STX8: variants seen among roughly 807,000 people sequenced by gnomAD.
The protein encoded by STX8 is syntaxin 8, also known as syntaxin-8.
In STX8, 23 loss-of-function variants were observed where a neutral mutation model predicts 37.5. The ratio of observed to expected loss-of-function variants is 0.61; its 90% CI spans 0.44 to 0.87. The LOEUF is 0.87. STX8 is among the 40% of genes least tolerant of loss of function. The pLI is 0.00. For missense variants in STX8, 313 were observed against 284.7 expected (o/e 1.10, Z -0.71); for synonymous variants, 115 against 99.1 (o/e 1.16, Z -0.95).
chr17:9,540,970 C>T (rs968950034), intron 4 of STX8, among the ~76,000 whole-genome samples: 1 of 152,176 alleles, frequency 6.6e-6, no homozygotes, highest in Non-Finnish European at 1.5e-5. Flanking sequence ...CAACAAGCAA[C>T]AGCTTTAGTC....
chr17:9,336,939 T>C (rs1207201129), intron 7 of STX8, among the ~76,000 whole-genome samples: 5 of 152,196 alleles, frequency 3.3e-5, no homozygotes, highest in African/African-American at 1.2e-4. Context: ...TTTGAATGAA[T>C]GCCTATTTCA....
At chr17:9,294,204 A>G (rs927982712) in intron 7 of STX8, among the ~76,000 whole-genome samples, 2 of 152,232 alleles carry the variant, frequency 1.3e-5, no homozygotes, top group Non-Finnish European at 2.9e-5. Context: ...CCCCAGGGTC[A>G]GCAAAGAACT....
intron 6 of STX8, among the ~76,000 whole-genome samples, chr17:9,450,111 C>A (rs1904987738): frequency 6.6e-6 from 1 of 151,964 alleles, no homozygotes; most frequent in African/African-American, 2.4e-5. Context: ...TGGAGTCTCG[C>A]TCTGTCATCC....
intron 7 of STX8, among the ~76,000 whole-genome samples, chr17:9,362,645 C>T (rs758677209): frequency 2.6e-5 from 4 of 151,808 alleles, no homozygotes; most frequent in East Asian, 3.9e-4. Context: ...GGTGAAACCC[C>T]GTCTCTACTA....
chr17:9,444,142 C>CTCT (rs575716614), intron 6 of STX8, among the ~76,000 whole-genome samples: 2 of 150,296 alleles, frequency 1.3e-5, no homozygotes, highest in South Asian at 2.1e-4. Context: ...TTCGCACATT[C>CTCT]TTCTCTCTTT....
chr17:9,445,022 G>A (rs1321704528), intron 6 of STX8, among the ~76,000 whole-genome samples: 2 of 152,182 alleles, frequency 1.3e-5, no homozygotes, highest in Non-Finnish European at 2.9e-5. Context: ...CTGACCACTG[G>A]TGACAGATTG....
chr17:9,496,368 A>C (rs1904407329), intron 5 of STX8, among the ~76,000 whole-genome samples: 1 of 152,112 alleles, frequency 6.6e-6, no homozygotes, highest in African/African-American at 2.4e-5. Context: ...GAGCCACCAC[A>C]CCCAGCCACC....
rs1297459859 is a variant in STX8, at chr17:9,253,467, G to C, written c.644-2822C>G. ...TATTCTGGTGCCTGTGTGGTGATCA[G>C]CTGAAGACTTGGTCCTGGCTGGGTG... On this transcript the variant is annotated intron_variant, in intron 7 of 7. Coordinates refer to ENST00000306357, the MANE Select transcript of STX8 (RefSeq NM_004853.3). Among the ~76,000 whole-genome samples, 5 of 152,244 alleles carry C rather than the reference G, an allele frequency of 3.3e-5. No individual in the cohort carries two copies. In the East Asian group the frequency reaches 9.6e-4, roughly 29 times the overall value.
chr17:9,428,612 G>T (rs565179880), intron 6 of STX8, among the ~76,000 whole-genome samples: 1 of 152,292 alleles, frequency 6.6e-6, no homozygotes, highest in Non-Finnish European at 1.5e-5. Context: ...GACAAGCCCT[G>T]TCTGATAGAA....
intron 6 of STX8, among the ~76,000 whole-genome samples, chr17:9,407,714 G>A (rs180898416): frequency 3.0e-4 from 45 of 152,278 alleles, no homozygotes; most frequent in Non-Finnish European, 6.3e-4. Context: ...CAGGCTATGG[G>A]TGAATTTAAA....
At chr17:9,509,234 G>A (rs1196094124) in intron 4 of STX8, among the ~76,000 whole-genome samples, 1 of 152,158 alleles carries the variant, frequency 6.6e-6, no homozygotes, top group Non-Finnish European at 1.5e-5. Flanking sequence ...GGGCAACAGA[G>A]CAAGACTCCA....
intron 6 of STX8, among the ~76,000 whole-genome samples, chr17:9,429,485 T>C (rs71358249): frequency 0.29 from 40,968 of 142,710 alleles, 6,538 homozygotes; most frequent in African/African-American, 0.42. Flanking sequence ...AGGCGGATCA[T>C]GAGGTCAGGA....
In STX8 at chr17:9,298,233, TAA is replaced by T. The variant is rs548644010; in HGVS notation, c.644-47590_644-47589del. Among the ~76,000 whole-genome samples, 435 of 152,238 alleles carry T rather than the reference TAA, an allele frequency of 2.9e-3. 4 individuals are homozygous for T. Among genetic ancestry groups the T allele is most frequent in the Non-Finnish European group, 2.0e-3 (138 of 68,014 alleles). ...CTCTTGAGCAGAAGAAGATGGACAG[TAA>T]AAGTGTCAGTGACTGAAGGAAGCAT... On this transcript the variant is annotated intron_variant, in intron 7 of 7. Transcript: ENST00000306357.
At chr17:9,574,127 T>A (rs2151920706) in intron 1 of STX8, among the ~76,000 whole-genome samples, 1 of 151,808 alleles carries the variant, frequency 6.6e-6, no homozygotes, top group Admixed American at 6.6e-5. Flanking sequence ...AAAAATTAGC[T>A]GGGCGTGGCT....
intron 2 of STX8, among the ~76,000 whole-genome samples, chr17:9,560,654 A>G (rs1907195436): frequency 6.6e-6 from 1 of 152,114 alleles, no homozygotes; most frequent in Non-Finnish European, 1.5e-5. Context: ...AGTTTTCCCC[A>G]ATTTAAATCT....
At chr17:9,330,674 GC>G (rs1278406880) in intron 7 of STX8, among the ~76,000 whole-genome samples, 8 of 152,194 alleles carry the variant, frequency 5.3e-5, no homozygotes, top group Admixed American at 5.2e-4. Context: ...ACAAGGGATG[GC>G]CCCTGGCAGA....
At chr17:9,524,805 C>T (rs2142531317) in intron 4 of STX8, among the ~76,000 whole-genome samples, 1 of 138,454 alleles carries the variant, frequency 7.2e-6, no homozygotes, top group Middle Eastern at 3.8e-3. Flanking sequence ...GAGATGGGGT[C>T]TCACTCTGTT....
chr17:9,368,297 G>T (rs55908641), intron 7 of STX8, among the ~76,000 whole-genome samples: 6 of 152,122 alleles, frequency 3.9e-5, no homozygotes, highest in Admixed American at 2.0e-4. Context: ...GAGGTCAGGA[G>T]ATCGAGACCA....
intron 7 of STX8, among the ~76,000 whole-genome samples, chr17:9,296,890 A>C (rs1277936370): frequency 6.6e-6 from 1 of 152,206 alleles, no homozygotes; most frequent in Admixed American, 6.5e-5. Context: ...ACAAGTTACT[A>C]AACTTCTCTG....
Sources: gnomAD v4.1 joint callset for allele counts (sites outside exome capture counted in the v4.1 genomes callset) on GRCh38, gnomAD v4.1.1 for gene constraint, MANE v1.5 for transcripts, NCBI Gene and HGNC (gene_info 2026-07-23, HGNC 2026-07-21) for gene names.